FREM2: variants seen among roughly 807,000 people sequenced by gnomAD.
FREM2 encodes FRAS1 related extracellular matrix 2.
In FREM2, 119 loss-of-function variants were observed where a neutral mutation model predicts 219.9. That is an observed-to-expected ratio of 0.54 (90% CI 0.47 to 0.63). FREM2 has a LOEUF of 0.63. Among genes scored for constraint, FREM2 ranks in the 30% least tolerant of loss-of-function variants. FREM2 has a pLI of 0.00. For synonymous variants in FREM2, 1,562 were observed against 1,522.8 expected (o/e 1.03, Z -0.60); for missense variants, 4,030 against 3,993.6 (o/e 1.01, Z -0.25).
At chr13:38,753,163 T>G (rs1029388416) in intron 2 of FREM2, among the ~76,000 whole-genome samples, 2 of 152,174 alleles carry the variant, frequency 1.3e-5, no homozygotes, top group African/African-American at 2.4e-5. Flanking sequence ...TATAACAATA[T>G]AGTATTTAAA....
intron 20 of FREM2, 138 bp from the exon 21 acceptor site, chr13:38,876,979 T>A (rs571159484): frequency 9.7e-7 from 1 of 1,026,722 alleles, no homozygotes; most frequent in African/African-American, 1.6e-5. Context: ...CTCTCTGAGT[T>A]AGCTTGGTAG....
chr13:38,861,708 T>G (rs890215102), intron 15 of FREM2, 146 bp downstream of exon 15: 79 of 886,366 alleles, frequency 8.9e-5, no homozygotes, highest in Middle Eastern at 3.1e-4. Context: ...CTTTCAACTG[T>G]TTTAGCTTTG....
At chr13:38,769,478 T>C in intron 3 of FREM2, 100 bp from the exon 4 acceptor site, 1 of 1,048,912 alleles carries the variant, frequency 9.5e-7, no homozygotes, top group Non-Finnish European at 1.5e-6. Context: ...GGATCAACTT[T>C]GCTTTTCAGG....
At chr13:38,712,821 A>T (rs1593359285) in intron 2 of FREM2, among the ~76,000 whole-genome samples, 1 of 152,168 alleles carries the variant, frequency 6.6e-6, no homozygotes, top group African/African-American at 2.4e-5. Context: ...AAATAGTATT[A>T]AAAAAGCTGA....
At chr13:38,772,206 T>G (rs1873691440) in intron 4 of FREM2, among the ~76,000 whole-genome samples, 2 of 152,176 alleles carry the variant, frequency 1.3e-5, no homozygotes, top group Admixed American at 1.3e-4. Flanking sequence ...CATTAAAAAT[T>G]TATCCAGCTC....
intron 6 of FREM2, among the ~76,000 whole-genome samples, chr13:38,814,237 G>A (rs1875664964): frequency 6.6e-6 from 1 of 152,106 alleles, no homozygotes; most frequent in South Asian, 2.1e-4. Context: ...TTTCCTGGAT[G>A]GTATTGATGC....
chr13:38,741,661 G>A (rs1872253934), intron 2 of FREM2, among the ~76,000 whole-genome samples: 1 of 152,092 alleles, frequency 6.6e-6, no homozygotes, highest in Non-Finnish European at 1.5e-5. Context: ...TTAGTTAATG[G>A]GCTCCCGAAC....
chr13:38,707,286 CA>C (rs1336868412), intron 2 of FREM2, among the ~76,000 whole-genome samples: 1 of 152,114 alleles, frequency 6.6e-6, no homozygotes, highest in Non-Finnish European at 1.5e-5. Flanking sequence ...AGATATGATT[CA>C]TTTTTTTGCA....
In FREM2 at chr13:38,688,343, T is replaced by A; in HGVS notation, c.999T>A (p.Phe333Leu). 1 of 1,614,198 alleles carries A rather than the reference T, an allele frequency of 6.2e-7. No homozygotes were observed. ...TGATGATGATGGAGGTGGACCAGTT[T>A]GTACTGACGGCCCTGACCCCAGACA... ...VAMMMMEVDQFVLTALTPDML... is the reference protein window; with the variant it reads ...VAMMMMEVDQLVLTALTPDML... The change falls in exon 1 of 24, where the codon TTT (phenylalanine) becomes TTA (leucine). Residue 333 changes from phenylalanine to leucine, a missense_variant. Physicochemically the swap from Phe to Leu is conservative, Grantham distance 22 (BLOSUM62 0). Around this residue, in one of 2 missense-constraint regions of FREM2, gnomAD observed 3,102 missense variants for 2,950.7 expected, o/e 1.05. Coordinates refer to ENST00000280481, the MANE Select transcript of FREM2 (RefSeq NM_207361.6).
chr13:38,701,630 C>T (rs941336333), intron 2 of FREM2, among the ~76,000 whole-genome samples: 3 of 151,928 alleles, frequency 2.0e-5, no homozygotes, highest in South Asian at 2.1e-4. Context: ...AGTGCTTTGT[C>T]GGGCCCTTCT....
Position 38,880,525 on chromosome 13 carries a change from C to G in FREM2, c.9248C>G (p.Thr3083Ser), listed in dbSNP as rs199987975. 1 of 1,614,180 alleles carries G rather than the reference C, an allele frequency of 6.2e-7. No homozygotes were observed. The highest frequency in any genetic ancestry group is 1.3e-5 in the African/African-American group (1 of 75,044). Residue 3083 changes from threonine (T) to serine (S), a missense_variant, in exon 24 of 24, where the codon ACC becomes AGC. Transcript: ENST00000280481. ...ATCCAGCACATTGCCCTGGACCGCACCAAGAGGCAGATCCCCCATGGGAGA... is the reference window on the plus strand; with the variant it reads ...ATCCAGCACATTGCCCTGGACCGCAGCAAGAGGCAGATCCCCCATGGGAGA... ...TNIQHIALDR[T>S]KRQIPHGRAP...
intron 2 of FREM2, among the ~76,000 whole-genome samples, chr13:38,735,180 C>T (rs934937850): frequency 1.9e-4 from 29 of 152,152 alleles, no homozygotes; most frequent in African/African-American, 6.5e-4. Flanking sequence ...CTCAGCCTCA[C>T]GACACTGTCC....
intron 6 of FREM2, among the ~76,000 whole-genome samples, chr13:38,828,815 A>G (rs1469100470): frequency 6.6e-6 from 1 of 152,146 alleles, no homozygotes; most frequent in Non-Finnish European, 1.5e-5. Context: ...TAATGGTTAT[A>G]TAGTATTCCA....
chr13:38,706,078 C>A (rs1467184583), intron 2 of FREM2, among the ~76,000 whole-genome samples: 1 of 152,112 alleles, frequency 6.6e-6, no homozygotes, highest in African/African-American at 2.4e-5. Context: ...GGCCAAATAA[C>A]AGAAATTTTT....
chr13:38,818,199 T>A (rs1188892277), intron 6 of FREM2, among the ~76,000 whole-genome samples: 1 of 152,110 alleles, frequency 6.6e-6, no homozygotes. Flanking sequence ...CTGAAAATAT[T>A]TGAAATCCAT....
chr13:38,722,745 GTT>G (rs78258671), intron 2 of FREM2, among the ~76,000 whole-genome samples: 3 of 140,024 alleles, frequency 2.1e-5, no homozygotes, highest in Non-Finnish European at 1.6e-5. Flanking sequence ...AGCTGGTAAC[GTT>G]TTTTTTTTTT....
intron 6 of FREM2, among the ~76,000 whole-genome samples, chr13:38,807,189 T>TTATATA (rs59551341): frequency 0.033 from 1,471 of 44,980 alleles, 45 homozygotes; most frequent in Non-Finnish European, 0.044. Flanking sequence ...CTTGTCTCTG[T>TTATATA]TATATATATA....
chr13:38,874,483 T>C lies in FREM2; in HGVS notation c.8178T>C (p.Gly2726=). Residue 2726 remains glycine, a splice_region_variant and synonymous_variant, in exon 18 of 24, where the codon GGT becomes GGC. Transcript: ENST00000280481. ...IGSPPEAELQ[G]SLYPTSMRIG... is the part of the protein sequence containing the mutation. ...TTCTTGGTACTCTCCCCATTATAGG[T>C]TCTCTCTATCCAACCAGCATGCGCA... 6.2e-7 allele frequency: 1 copy of C among 1,613,212 alleles called. No individual in the cohort carries two copies. The highest frequency in any genetic ancestry group is 1.1e-5 in the South Asian group (1 of 91,072).
In FREM2 at chr13:38,722,311, C is replaced by T. The variant is rs142196917; in HGVS notation, c.5263+24524C>T. ...CTGGACTCAAGCAAGTCTCCTGCCT[C>T]GGCCTCCCAAAGTGCTGGGATTATA... On this transcript the variant is annotated intron_variant, in intron 2 of 23. Coordinates refer to ENST00000280481, the MANE Select transcript of FREM2 (RefSeq NM_207361.6). 5.9e-3 allele frequency among the ~76,000 whole-genome samples: 892 copies of T among 152,220 alleles called. 17 individuals are homozygous for T. Among genetic ancestry groups the T allele is most frequent in the African/African-American group, 0.021 (865 of 41,536 alleles).
Sources: allele counts gnomAD v4.1 joint callset (sites outside exome capture counted in the v4.1 genomes callset), GRCh38; gene constraint gnomAD v4.1.1; regional missense constraint gnomAD v4.1.1; transcripts MANE v1.5; gene names NCBI Gene and HGNC (gene_info 2026-07-23, HGNC 2026-07-21).